The following PUDP variants were observed in gnomAD, a reference collection of about 807,000 sequenced individuals.
The protein encoded by PUDP is pseudouridine-5'-phosphatase.
In PUDP, 8 loss-of-function variants were observed where a neutral mutation model predicts 9.4. The observed-to-expected ratio is 0.85, with a 90% confidence interval of 0.50 to 1.53. The LOEUF (loss-of-function observed/expected upper bound fraction) is 1.53. Ranked by LOEUF, PUDP falls within the 40% of genes most tolerant of loss-of-function variation. The probability of loss-of-function intolerance (pLI) is 0.00; values close to 1 mark genes in which losing one functional copy is unlikely to be tolerated. For synonymous variants in PUDP, 99 were observed against 80.7 expected, an observed-to-expected ratio of 1.23 and a Z score of -1.22; for missense variants, 188 against 189.7, an observed-to-expected ratio of 0.99 and a Z score of 0.05.
chrX:6,792,281 C>T (rs1382828114), intron 3 of PUDP, among the ~76,000 whole-genome samples: 1 of 109,886 alleles, frequency 9.1e-6, no homozygotes, highest in Non-Finnish European at 1.9e-5. Flanking sequence ...AACGTATGTA[C>T]CCCCTACCCA....
At chrX:6,746,568 C>T (rs919543684) in intron 3 of PUDP, among the ~76,000 whole-genome samples, 2 of 110,711 alleles carry the variant, frequency 1.8e-5, no homozygotes, top group Non-Finnish European at 3.8e-5. Flanking sequence ...TCTCTCCCCC[C>T]ACCCCATCCC....
intron 3 of PUDP, among the ~76,000 whole-genome samples, chrX:6,919,270 C>A (rs778860689): frequency 1.8e-5 from 2 of 111,669 alleles, no homozygotes; most frequent in East Asian, 5.6e-4. Context: ...GGACTGACCA[C>A]CAACATCCAT....
At chrX:6,805,616 C>T (rs759941986) in intron 3 of PUDP, among the ~76,000 whole-genome samples, 20 of 110,360 alleles carry the variant, frequency 1.8e-4, no homozygotes, top group Non-Finnish European at 3.0e-4. Context: ...ACCTTCCAGG[C>T]ACAAGTAATC....
At chrX:6,850,856 A>G (rs889063489) in intron 3 of PUDP, among the ~76,000 whole-genome samples, 1 of 112,053 alleles carries the variant, frequency 8.9e-6, no homozygotes, top group Non-Finnish European at 1.9e-5. Context: ...TAACCCAACA[A>G]CCCAATGTAG....
chrX:7,077,280 T>G lies in PUDP; in HGVS notation c.450A>C (p.Pro150=), dbSNP rs1192330286. 1 of 1,205,357 alleles carries G rather than the reference T, an allele frequency of 8.3e-7. No homozygotes were observed. The highest frequency in any genetic ancestry group is 1.1e-6 in the Non-Finnish European group (1 of 892,969). ...GDDPEVQHGK[P]DPDIFLACAK... ...CACAAGCTAGGAAGATGTCCGGGTC[T>G]GGCTTGCCATGCTGCACTTCGGGGT... Residue 150 remains proline (P), a synonymous_variant, in exon 3 of 4, where the codon CCA becomes CCC. Transcript: ENST00000381077.
chrX:6,905,350 G>A (rs1197302913), intron 3 of PUDP, among the ~76,000 whole-genome samples: 1 of 111,492 alleles, frequency 9.0e-6, no homozygotes, highest in Non-Finnish European at 1.9e-5. Flanking sequence ...GGAAGATGAC[G>A]AAGATTATAC....
rs763393663 is a variant in PUDP at position 7,139,704 on chromosome X, T to C, written c.61+8349A>G. ...GCAAACTTTGGTTTGCTCCTTGCTCTGTCCTTGAACAGCTATGTCATCTGC... is the reference window on the plus strand; with the variant it reads ...GCAAACTTTGGTTTGCTCCTTGCTCCGTCCTTGAACAGCTATGTCATCTGC... On this transcript the variant is annotated intron_variant, in intron 1 of 3. Coordinates refer to ENST00000381077, the MANE Select transcript of PUDP (RefSeq NM_012080.5). 4.4e-5 allele frequency among the ~76,000 whole-genome samples: 5 copies of C among 112,362 alleles called. No individual in the cohort carries two copies. The East Asian group carries it at 1.4e-3, about 32-fold the overall frequency.
chrX:6,848,916 G>A (rs1376642153), intron 3 of PUDP, among the ~76,000 whole-genome samples: 1 of 112,185 alleles, frequency 8.9e-6, no homozygotes, highest in East Asian at 2.8e-4. Context: ...ACAGCCTCAG[G>A]TATTCCTTTA....
At chrX:6,934,871 C>A (rs9681648) in intron 3 of PUDP, among the ~76,000 whole-genome samples, 17,804 of 87,990 alleles carry the variant, frequency 0.2, 1,757 homozygotes, top group Admixed American at 0.35. Context: ...CAACAAAGAT[C>A]AAAAGAGACA....
At chrX:6,731,743 A>C (rs1924810174) in intron 3 of PUDP, among the ~76,000 whole-genome samples, 1 of 79,521 alleles carries the variant, frequency 1.3e-5, no homozygotes. Context: ...GAAGGAGGGA[A>C]GGAAGGAAGG....
Position 6,849,863 on chromosome X carries a change from C to T in PUDP, c.*247+127270G>A, listed in dbSNP as rs191694627. 8.9e-3 allele frequency among the ~76,000 whole-genome samples: 1,001 copies of T among 112,164 alleles called. 7 individuals carry two copies. The highest frequency in any genetic ancestry group is 0.013 in the Admixed American group (138 of 10,579). On this transcript the variant is annotated intron_variant and NMD_transcript_variant, in intron 3 of 3. Transcript: ENST00000655425. Reference sequence around the variant, plus strand: ...TATGTCCACAGCACAGTAAAAAAAACCAATCCAGTTTCCTGACTGTGAGCT... The same window carrying T: ...TATGTCCACAGCACAGTAAAAAAAATCAATCCAGTTTCCTGACTGTGAGCT...
At chrX:6,757,655 A>T (rs1462485430) in intron 3 of PUDP, among the ~76,000 whole-genome samples, 2 of 112,464 alleles carry the variant, frequency 1.8e-5, no homozygotes, top group Non-Finnish European at 3.8e-5. Context: ...GAACAAGGTT[A>T]TGCAGAAAAT....
intron 3 of PUDP, among the ~76,000 whole-genome samples, chrX:6,954,420 T>TG (rs1928597048): frequency 9.0e-6 from 1 of 110,757 alleles, no homozygotes; most frequent in South Asian, 3.9e-4. Context: ...GCTGGAACCA[T>TG]GCACTGCATC....
At chrX:6,785,679 A>G (rs1390721336) in intron 3 of PUDP, among the ~76,000 whole-genome samples, 1 of 111,381 alleles carries the variant, frequency 9.0e-6, no homozygotes, top group Non-Finnish European at 1.9e-5. Context: ...ATATGTTCCA[A>G]CAAGCAGTGA....
intron 3 of PUDP, among the ~76,000 whole-genome samples, chrX:6,748,378 T>A (rs1925024656): frequency 8.9e-6 from 1 of 112,127 alleles, no homozygotes; most frequent in Admixed American, 9.5e-5. Flanking sequence ...GATGAAATCA[T>A]TCCTTCCATC....
intron 3 of PUDP, among the ~76,000 whole-genome samples, chrX:6,856,862 T>C (rs1244349708): frequency 8.9e-6 from 1 of 112,274 alleles, no homozygotes; most frequent in African/African-American, 3.2e-5. Flanking sequence ...ATTTCCTACC[T>C]GATTTCTGCC....
Position 6,731,514 on chromosome X carries a change from C to T in PUDP, c.*248-25048G>A, listed in dbSNP as rs919293215. On this transcript the variant is annotated intron_variant and NMD_transcript_variant, in intron 3 of 3. Coordinates refer to the PUDP transcript ENST00000655425. The stretch of plus-strand genomic sequence containing the variant: ...GCAAAGATTAACACATTTCAAATAC[C>T]CTTGAAAATATGGTTCTTGGCTGTT... Among the ~76,000 whole-genome samples the T allele has an allele frequency of 2.7e-5, 3 of 111,474 alleles. No homozygotes were observed. In the Admixed American group the frequency reaches 2.9e-4, roughly 11 times the overall value.
intron 1 of PUDP, among the ~76,000 whole-genome samples, chrX:7,115,807 G>A (rs1932177646): frequency 8.9e-6 from 1 of 112,584 alleles, no homozygotes; most frequent in African/African-American, 3.2e-5. Context: ...CCAGAGTCAC[G>A]TCCACGCACG....
intron 3 of PUDP, among the ~76,000 whole-genome samples, chrX:6,735,379 G>A (rs1002003895): frequency 1.8e-5 from 2 of 110,623 alleles, no homozygotes; most frequent in Non-Finnish European, 3.8e-5. Flanking sequence ...CAAAGTGAAG[G>A]AAAACGTTTT....
Sources: allele counts gnomAD v4.1 joint callset (sites outside exome capture counted in the v4.1 genomes callset), GRCh38; gene constraint gnomAD v4.1.1; transcripts MANE v1.5; gene names NCBI Gene and HGNC (gene_info 2026-07-23, HGNC 2026-07-21).